Variants in NR3C1 observed in about 807,000 individuals in gnomAD.
NR3C1 encodes glucocorticoid receptor.
Under a neutral mutation model 74.0 loss-of-function variants are expected in NR3C1, and 14 were observed. That is an observed-to-expected ratio of 0.19 (90% CI 0.12 to 0.30). The LOEUF (loss-of-function observed/expected upper bound fraction) is 0.30, where lower values mean the gene tolerates loss of function less well. NR3C1 is among the 10% of genes least tolerant of loss of function. The probability of loss-of-function intolerance (pLI) is 1.00; values close to 1 mark genes in which losing one functional copy is unlikely to be tolerated. For synonymous variants in NR3C1, 308 were observed against 332.5 expected (o/e 0.93, Z 0.80); for missense variants, 695 against 909.8 (o/e 0.76, Z 3.04).
At chr5:143,286,335 G>T (rs547393719) in intron 7 of NR3C1, among the ~76,000 whole-genome samples, 1 of 152,112 alleles carries the variant, frequency 6.6e-6, no homozygotes, top group South Asian at 2.1e-4. Context: ...TATCCCTCAT[G>T]GATTTAGATG....
At chr5:143,303,584 A>T (rs1013472832) in intron 4 of NR3C1, among the ~76,000 whole-genome samples, 9 of 152,102 alleles carry the variant, frequency 5.9e-5, no homozygotes, top group African/African-American at 1.7e-4. Flanking sequence ...TTATTCTACA[A>T]GGGAAACATC....
chr5:143,337,477 G>T (rs1827368086), intron 2 of NR3C1, among the ~76,000 whole-genome samples: 1 of 152,126 alleles, frequency 6.6e-6, no homozygotes, highest in South Asian at 2.1e-4. Flanking sequence ...TATTCAAAAA[G>T]AAATTTATAC....
intron 2 of NR3C1, among the ~76,000 whole-genome samples, chr5:143,374,294 C>A (rs1834755676): frequency 6.6e-6 from 1 of 152,042 alleles, no homozygotes; most frequent in Non-Finnish European, 1.5e-5. Context: ...AGATCGGGAC[C>A]ATCCTGGCTA....
intron 2 of NR3C1, among the ~76,000 whole-genome samples, chr5:143,342,418 A>G (rs1828410128): frequency 6.6e-6 from 1 of 152,214 alleles, no homozygotes; most frequent in African/African-American, 2.4e-5. Flanking sequence ...GCTCTGTGAG[A>G]ACTGGAATCT....
chr5:143,376,532 T>C (rs555281520), intron 2 of NR3C1, among the ~76,000 whole-genome samples: 6 of 152,322 alleles, frequency 3.9e-5, no homozygotes, highest in East Asian at 1.9e-4. Context: ...ATGTAACTAG[T>C]ACATGGACTA....
At chr5:143,282,486 G>A in intron 8 of NR3C1, 82 bp downstream of exon 8, 1 of 1,530,130 alleles carries the variant, frequency 6.5e-7, no homozygotes, top group East Asian at 2.3e-5. Flanking sequence ...TGGGGGCGCT[G>A]CTGGTATATA....
chr5:143,370,289 G>C (rs1402686475), intron 2 of NR3C1, among the ~76,000 whole-genome samples: 33 of 152,142 alleles, frequency 2.2e-4, no homozygotes, highest in Non-Finnish European at 5.9e-5. Flanking sequence ...TGGAATAGCA[G>C]CCAGGAACCA....
chr5:143,311,511 T>G (rs565583974), intron 3 of NR3C1, among the ~76,000 whole-genome samples: 22 of 152,208 alleles, frequency 1.4e-4, no homozygotes, highest in Non-Finnish European at 2.6e-4. Context: ...GTTATTAGCA[T>G]GAAGTTGGAC....
At position 143,357,452 on chromosome 5, in the gene NR3C1, G is replaced by A. The variant is rs899932479; in HGVS notation, c.1184+42204C>T. 5.9e-5 allele frequency among the ~76,000 whole-genome samples: 9 copies of A among 152,160 alleles called. No individual in the cohort carries two copies. The East Asian group carries it at 1.2e-3, about 20-fold the overall frequency. On this transcript the variant is annotated intron_variant, in intron 2 of 8. Transcript: ENST00000394464. Reference sequence around the variant, plus strand: ...AATTGGAGAAAATCAAAAAATACACGTTTTACCTAATAAGTGAAAAATAAT... The same window carrying A: ...AATTGGAGAAAATCAAAAAATACACATTTTACCTAATAAGTGAAAAATAAT...
At chr5:143,425,145 A>C (rs566552191) in intron 1 of NR3C1, among the ~76,000 whole-genome samples, 68 of 152,322 alleles carry the variant, frequency 4.5e-4, no homozygotes, top group African/African-American at 1.6e-3. Context: ...ATGAGGAAAG[A>C]ATCACCTATT....
At chr5:143,329,815 A>C (rs1825578810) in intron 2 of NR3C1, among the ~76,000 whole-genome samples, 1 of 151,980 alleles carries the variant, frequency 6.6e-6, no homozygotes, top group African/African-American at 2.4e-5. Flanking sequence ...GGCTGACTAC[A>C]TTTTTTTTAA....
At chr5:143,295,709 A>G in intron 6 of NR3C1, 119 bp from the exon 7 acceptor site, 1 of 789,156 alleles carries the variant, frequency 1.3e-6, no homozygotes. Flanking sequence ...TACTGCAATA[A>G]TATTATTGCT....
intron 6 of NR3C1, among the ~76,000 whole-genome samples, chr5:143,296,497 T>A (rs1817231490): frequency 6.6e-6 from 1 of 152,230 alleles, no homozygotes; most frequent in Admixed American, 6.5e-5. Context: ...GCACTCCTTT[T>A]CTGGGAGGCA....
chr5:143,351,387 C>T (rs759868585), intron 2 of NR3C1, among the ~76,000 whole-genome samples: 11 of 152,060 alleles, frequency 7.2e-5, no homozygotes, highest in Admixed American at 6.6e-5. Flanking sequence ...AAACACCTAT[C>T]TTTATAAAAA....
chr5:143,282,166 C>T (rs1369178400), intron 8 of NR3C1, 125 bp from the exon 9 acceptor site: 2 of 976,776 alleles, frequency 2.0e-6, no homozygotes, highest in Admixed American at 4.0e-5. Flanking sequence ...TGGAATTCCC[C>T]AGATGAAAAA....
chr5:143,323,465 T>C (rs1175951272), intron 2 of NR3C1, among the ~76,000 whole-genome samples: 3 of 152,076 alleles, frequency 2.0e-5, no homozygotes, highest in African/African-American at 7.2e-5. Context: ...ATGATTCAAT[T>C]ACTGCACCCC....
chr5:143,329,758 C>A (rs1431232105), intron 2 of NR3C1, among the ~76,000 whole-genome samples: 3 of 152,056 alleles, frequency 2.0e-5, no homozygotes, highest in African/African-American at 4.8e-5. Flanking sequence ...AATACCAATA[C>A]TCATGTATTA....
intron 2 of NR3C1, among the ~76,000 whole-genome samples, chr5:143,358,374 T>C (rs947515452): frequency 2.6e-5 from 4 of 152,372 alleles, no homozygotes; most frequent in African/African-American, 9.6e-5. Context: ...AGCCTTATAA[T>C]GTTCATTTTG....
At chr5:143,427,494 G>A (rs1751593269) in intron 1 of NR3C1, among the ~76,000 whole-genome samples, 1 of 152,136 alleles carries the variant, frequency 6.6e-6, no homozygotes, top group African/African-American at 2.4e-5. Flanking sequence ...ACAAACCTCA[G>A]CAGTGCCTCT....
Sources: gnomAD v4.1 joint callset for allele counts (sites outside exome capture counted in the v4.1 genomes callset) on GRCh38, gnomAD v4.1.1 for gene constraint, MANE v1.5 for transcripts, NCBI Gene and HGNC (gene_info 2026-07-23, HGNC 2026-07-21) for gene names.